Variants in WDR19 observed in about 807,000 individuals in gnomAD.
The protein encoded by WDR19 is WD repeat domain 19.
Under a neutral mutation model 180.0 loss-of-function variants are expected in WDR19, and 121 were observed. The ratio of observed to expected loss-of-function variants is 0.67; its 90% CI spans 0.58 to 0.78. WDR19 has a LOEUF of 0.78. WDR19 is among the 30% of genes least tolerant of loss of function. The pLI is 0.00. For missense variants in WDR19, 1,450 were observed against 1,640.7 expected, an observed-to-expected ratio of 0.88 and a Z score of 2.01; for synonymous variants, 497 against 540.7, an observed-to-expected ratio of 0.92 and a Z score of 1.12.
chr4:39,234,939 A>G (rs1731233646), intron 20 of WDR19, 64 bp downstream of exon 20: 1 of 977,058 alleles, frequency 1.0e-6, no homozygotes, highest in East Asian at 2.6e-5. Context: ...TCAGTTCGAA[A>G]CTTCCATTAA....
At chr4:39,260,660 A>G (rs1000488683) in intron 28 of WDR19, among the ~76,000 whole-genome samples, 4 of 152,104 alleles carry the variant, frequency 2.6e-5, no homozygotes, top group African/African-American at 9.7e-5. Flanking sequence ...CATATCTTAA[A>G]TCAACTTGGG....
chr4:39,249,004 C>T (rs1732837769), intron 24 of WDR19, among the ~76,000 whole-genome samples: 1 of 152,128 alleles, frequency 6.6e-6, no homozygotes, highest in Non-Finnish European at 1.5e-5. Context: ...CCAAGCAGAC[C>T]TAATAGACAT....
chr4:39,281,157 G>A (rs76235093), intron 36 of WDR19, among the ~76,000 whole-genome samples: 61,502 of 147,160 alleles, frequency 0.42, 14,823 homozygotes, highest in African/African-American at 0.67. Flanking sequence ...ATTATAATTT[G>A]TTAAATTTTA....
chr4:39,206,629 C>G (rs976944695), intron 9 of WDR19, among the ~76,000 whole-genome samples: 1 of 152,088 alleles, frequency 6.6e-6, no homozygotes, highest in Admixed American at 6.5e-5. Context: ...GGAAAGCAAC[C>G]CTGTAAAGAT....
chr4:39,284,850 GAT>G (rs757554420), intron 36 of WDR19, among the ~76,000 whole-genome samples: 33 of 152,118 alleles, frequency 2.2e-4, no homozygotes, highest in Non-Finnish European at 4.3e-4. Flanking sequence ...GCTCCTTGCA[GAT>G]ATGTCTTCAT....
At chr4:39,266,538 C>T (rs1734815344) in intron 29 of WDR19, among the ~76,000 whole-genome samples, 1 of 152,198 alleles carries the variant, frequency 6.6e-6, no homozygotes, top group Non-Finnish European at 1.5e-5. Context: ...AACGTATATT[C>T]ACTCTTTAAA....
At chr4:39,284,255 T>G (rs1736900893) in intron 36 of WDR19, among the ~76,000 whole-genome samples, 1 of 152,016 alleles carries the variant, frequency 6.6e-6, no homozygotes, top group East Asian at 1.9e-4. Flanking sequence ...GTCATCTTTT[T>G]TTTCTGTTCA....
chr4:39,183,582 C>T (rs1196305761), intron 1 of WDR19, among the ~76,000 whole-genome samples: 1 of 152,120 alleles, frequency 6.6e-6, no homozygotes, highest in Non-Finnish European at 1.5e-5. Context: ...TTTAGATGTC[C>T]TCATGCTTCT....
At chr4:39,187,336 C>A (rs1352047938) in intron 3 of WDR19, among the ~76,000 whole-genome samples, 1 of 150,232 alleles carries the variant, frequency 6.7e-6, no homozygotes, top group Non-Finnish European at 1.5e-5. Flanking sequence ...AGGAGAATCA[C>A]TTGAACCCGG....
chr4:39,233,315 A>C (rs919263482), intron 19 of WDR19, among the ~76,000 whole-genome samples: 2 of 152,306 alleles, frequency 1.3e-5, no homozygotes, highest in South Asian at 2.1e-4. Flanking sequence ...TAGACTAGCA[A>C]TGAGGGGCAT....
intron 14 of WDR19, chr4:39,218,397 C>T (rs144375624): frequency 1.2e-4 from 48 of 385,780 alleles, no homozygotes; most frequent in African/African-American, 8.6e-4. Flanking sequence ...GCCTATTGCT[C>T]CTAGGCTACA....
chr4:39,283,931 C>T (rs537423616), intron 36 of WDR19, among the ~76,000 whole-genome samples: 2 of 152,262 alleles, frequency 1.3e-5, no homozygotes, highest in African/African-American at 4.8e-5. Context: ...AGCACTTTCA[C>T]GATTGTCTCC....
chr4:39,243,209 C>T (rs1732148975), intron 21 of WDR19, among the ~76,000 whole-genome samples: 1 of 152,088 alleles, frequency 6.6e-6, no homozygotes, highest in Non-Finnish European at 1.5e-5. Context: ...TCTTATAAGT[C>T]ACAAAGTGTA....
At chr4:39,235,824 A>G (rs1307520131) in intron 20 of WDR19, among the ~76,000 whole-genome samples, 1 of 152,216 alleles carries the variant, frequency 6.6e-6, no homozygotes, top group Non-Finnish European at 1.5e-5. Flanking sequence ...TGGGCAAAGG[A>G]CATAAATAGA....
chr4:39,236,795 C>T (rs1312763929), intron 20 of WDR19, among the ~76,000 whole-genome samples: 1 of 152,142 alleles, frequency 6.6e-6, no homozygotes, highest in Non-Finnish European at 1.5e-5. Flanking sequence ...TTGGAAATTC[C>T]ATAATCTATT....
At position 39,199,427 on chromosome 4, in the gene WDR19, T is replaced by A. The variant is rs999652092; in HGVS notation, c.407-51T>A. ...CTATATTCAGATTGGCATCACAGAT[T>A]TTTTTCTTTGAGAAATCCACATGTC... On this transcript the variant is annotated intron_variant, in intron 5 of 36. Transcript: ENST00000399820. 4 of 1,437,006 alleles carry A rather than the reference T, an allele frequency of 2.8e-6. No homozygotes were observed. In the Admixed American group the frequency reaches 7.9e-5, roughly 28 times the overall value. 89.0% of individuals were successfully genotyped at this position (1,437,006 alleles called of 1,614,324 possible). A position where few individuals can be genotyped will look rare whatever the true frequency, so the allele number is the denominator to read the frequency against.
In WDR19 at chr4:39,246,739, C is replaced by T. The variant is rs193123704; in HGVS notation, c.2729+1287C>T. On this transcript the variant is annotated intron_variant, in intron 24 of 36. Coordinates refer to ENST00000399820, the MANE Select transcript of WDR19 (RefSeq NM_025132.4). ...CCTGACTCAGAGGGTCCTACACCCA[C>T]GGAGCCTCACTCATTGCTAGCACAG... 1.7e-4 allele frequency among the ~76,000 whole-genome samples: 26 copies of T among 152,326 alleles called. 1 individual carries two copies. Among genetic ancestry groups the T allele is most frequent in the South Asian group, 1.0e-3 (5 of 4,828 alleles).
intron 9 of WDR19, among the ~76,000 whole-genome samples, chr4:39,212,659 G>T (rs545917250): frequency 6.6e-5 from 10 of 152,072 alleles, no homozygotes; most frequent in Non-Finnish European, 1.3e-4. Context: ...AAGATGAAAA[G>T]ATAAGCTGCA....
chr4:39,220,560 AT>A (rs142037096), intron 14 of WDR19, among the ~76,000 whole-genome samples: 1,596 of 64,148 alleles, frequency 0.025, 12 homozygotes, highest in African/African-American at 0.11. Flanking sequence ...GACCTCCTTG[AT>A]TTTTTTTTTT....
Sources: allele counts gnomAD v4.1 joint callset (sites outside exome capture counted in the v4.1 genomes callset), GRCh38; gene constraint gnomAD v4.1.1; transcripts MANE v1.5; gene names NCBI Gene and HGNC (gene_info 2026-07-23, HGNC 2026-07-21).